The following GNGT1 variants were observed in gnomAD, a reference collection of about 807,000 sequenced individuals.
GNGT1 encodes guanine nucleotide-binding protein G(T) subunit gamma-T1.
Under a neutral mutation model 7.4 loss-of-function variants are expected in GNGT1, and 4 were observed. The observed-to-expected ratio is 0.54, with a 90% CI of 0.27 to 1.24. The LOEUF (loss-of-function observed/expected upper bound fraction) is 1.24. Ranked by LOEUF, GNGT1 falls within the 50% of genes most tolerant of loss-of-function variation. GNGT1 has a pLI of 0.12. For synonymous variants in GNGT1, 37 were observed against 30.2 expected, an observed-to-expected ratio of 1.23 and a Z score of -0.74; for missense variants, 95 against 82.4, an observed-to-expected ratio of 1.15 and a Z score of -0.59.
In GNGT1 at chr7:93,910,844, G is replaced by T. The variant is rs1457679869; in HGVS notation, c.151G>T (p.Asp51Tyr). ...TTACGTTGAAGAACGATCTGGCGAG[G>T]ATCCACTGGTAAAGGGCATCCCAGA... ...RDYVEERSGE[D>Y]PLVKGIPEDK... The change falls in exon 3 of 3, where the codon GAT (aspartate) becomes TAT (tyrosine). Residue 51 changes from aspartate to tyrosine, a missense_variant. Coordinates refer to ENST00000248572, the MANE Select transcript of GNGT1 (RefSeq NM_021955.5). 3 of 1,607,566 alleles carry T rather than the reference G, an allele frequency of 1.9e-6. No individual in the cohort carries two copies. The highest frequency in any genetic ancestry group is 1.1e-5 in the South Asian group (1 of 90,494).
At chr7:93,907,004 TC>T (rs569638230) in intron 2 of GNGT1, among the ~76,000 whole-genome samples, 162 bp downstream of exon 2, 6,455 of 152,050 alleles carry the variant, frequency 0.042, no homozygotes, top group Middle Eastern at 0.082. Flanking sequence ...CATAACTATC[TC>T]TTGATTTAGA....
chr7:93,908,157 C>T (rs971041183), intron 2 of GNGT1, among the ~76,000 whole-genome samples: 2 of 152,056 alleles, frequency 1.3e-5, no homozygotes, highest in African/African-American at 4.8e-5. Flanking sequence ...CTTTGGGGTT[C>T]CTTTTCCCCA....
rs773313324 is a variant in GNGT1, at chr7:93,909,765, C to T, written c.97-1025C>T. ...TTGTTTTACTATGTAATTAATGAGT[C>T]TGCCTAGTTATAAAATAATCTTAAG... On this transcript the variant is annotated intron_variant, in intron 2 of 2. Transcript: ENST00000248572. 1.8e-3 allele frequency: 665 copies of T among 374,590 alleles called. 3 individuals are homozygous for T. Among genetic ancestry groups the T allele is most frequent in the Non-Finnish European group, 2.7e-3 (572 of 210,118 alleles). 23.2% of individuals were successfully genotyped at this position (374,590 alleles called of 1,614,324 possible).
At chr7:93,908,302 G>A (rs1794408183) in intron 2 of GNGT1, among the ~76,000 whole-genome samples, 1 of 151,894 alleles carries the variant, frequency 6.6e-6, no homozygotes, top group Admixed American at 6.6e-5. Context: ...AGTCTCCTCA[G>A]GGTGCTGTAC....
chr7:93,909,586 A>T (rs575019004), intron 2 of GNGT1: 1 of 670,098 alleles, frequency 1.5e-6, no homozygotes, highest in Non-Finnish European at 2.7e-6. Context: ...AAAAGTAGTG[A>T]CTTTTAGAGA....
rs1020201546 is a variant in GNGT1, at chr7:93,909,751, T to C, written c.97-1039T>C. The C allele has an allele frequency of 5.0e-5, 21 of 423,450 alleles. 1 individual carries two copies. The highest frequency in any genetic ancestry group is 4.7e-4 in the Admixed American group (12 of 25,728). 26.2% of individuals were successfully genotyped at this position (423,450 alleles called of 1,614,324 possible). ...CAGTTGAAAATAATTTGTTTTACTATGTAATTAATGAGTCTGCCTAGTTAT... is the reference window on the plus strand; with the variant it reads ...CAGTTGAAAATAATTTGTTTTACTACGTAATTAATGAGTCTGCCTAGTTAT... On this transcript the variant is annotated intron_variant, in intron 2 of 2. Coordinates refer to ENST00000248572, the MANE Select transcript of GNGT1 (RefSeq NM_021955.5).
chr7:93,906,737 A>G lies in GNGT1; in HGVS notation c.-10A>G. On this transcript the variant is annotated splice_region_variant and 5_prime_UTR_variant, in exon 2 of 3. Transcript: ENST00000248572. ...GCTGCTAACCTTCTACATCTTCAGC[A>G]GGCAAAAAGATGCCAGTAATCAATA... The G allele has an allele frequency of 6.5e-7, 1 of 1,545,198 alleles. No individual in the cohort carries two copies. Among genetic ancestry groups the G allele is most frequent in the Non-Finnish European group, 8.9e-7 (1 of 1,123,830 alleles).
chr7:93,910,717 A>G, intron 2 of GNGT1, 73 bp from the exon 3 acceptor site: 1 of 1,043,032 alleles, frequency 9.6e-7, no homozygotes, highest in Non-Finnish European at 1.4e-6. Flanking sequence ...ATTTATTGTA[A>G]TAAATAAATT....
intron 2 of GNGT1, chr7:93,909,909 AAAAT>A: frequency 6.1e-6 from 1 of 163,464 alleles, no homozygotes; most frequent in Non-Finnish European, 1.3e-5. Flanking sequence ...TAGACTGACA[AAAAT>A]AAAGTAGCTT....
At position 93,906,751 on chromosome 7, in the gene GNGT1, C is replaced by CA. The variant is rs1394903434; in HGVS notation, c.6dup (p.Val3SerfsTer5). 6 of 1,590,220 alleles carry CA rather than the reference C, an allele frequency of 3.8e-6. No homozygotes were observed. The highest frequency in any genetic ancestry group is 1.4e-5 in the African/African-American group (1 of 73,812). On this transcript the variant is annotated frameshift_variant, in exon 2 of 3. Transcript: ENST00000248572. LOFTEE classifies it high-confidence loss of function. ...ACATCTTCAGCAGGCAAAAAGATGC[C>CA]AGTAATCAATATTGAGGACCTGACA...
chr7:93,909,745 T>G, intron 2 of GNGT1: 1 of 429,778 alleles, frequency 2.3e-6, no homozygotes, highest in Admixed American at 3.8e-5. Flanking sequence ...ATAATTTGTT[T>G]TACTATGTAA....
intron 2 of GNGT1, among the ~76,000 whole-genome samples, chr7:93,908,656 T>C (rs1794413420): frequency 6.6e-6 from 1 of 150,994 alleles, no homozygotes; most frequent in African/African-American, 2.4e-5. Flanking sequence ...TATTTCTCTA[T>C]AAAATATATA....
intron 2 of GNGT1, among the ~76,000 whole-genome samples, chr7:93,907,601 T>C (rs1794397024): frequency 1.3e-5 from 2 of 152,220 alleles, no homozygotes; most frequent in African/African-American, 4.8e-5. Flanking sequence ...TGATGAAAGC[T>C]TGGAGAATGT....
chr7:93,910,734 A>T (rs1794450458), intron 2 of GNGT1, 56 bp from the exon 3 acceptor site: 2 of 1,282,142 alleles, frequency 1.6e-6, no homozygotes, highest in Admixed American at 4.3e-5. Flanking sequence ...AATTCCTGGC[A>T]TCTGGAGTAT....
chr7:93,907,815 T>A (rs1794399955), intron 2 of GNGT1, among the ~76,000 whole-genome samples: 1 of 152,176 alleles, frequency 6.6e-6, no homozygotes, highest in Non-Finnish European at 1.5e-5. Flanking sequence ...TCTATGTTTA[T>A]AATAATCTCA....
chr7:93,909,109 G>T (rs532596236), intron 2 of GNGT1, among the ~76,000 whole-genome samples: 1 of 151,850 alleles, frequency 6.6e-6, no homozygotes, highest in Non-Finnish European at 1.5e-5. Flanking sequence ...TTTTGAGTAC[G>T]ACAAGTCTTT....
intron 2 of GNGT1, 112 bp from the exon 3 acceptor site, chr7:93,910,678 G>A (rs1357722467): frequency 1.4e-6 from 1 of 708,354 alleles, no homozygotes; most frequent in Non-Finnish European, 2.3e-6. Flanking sequence ...AAAGTAGAGA[G>A]AATCAAACTG....
Position 93,906,800 on chromosome 7 carries a change from A to G in GNGT1, c.54A>G (p.Glu18=), listed in dbSNP as rs900753143. The change falls in exon 2 of 3, where the codon GAA becomes GAG. Residue 18 remains glutamate (E), a synonymous_variant. Coordinates refer to ENST00000248572, the MANE Select transcript of GNGT1 (RefSeq NM_021955.5). Reference sequence around the variant, plus strand: ...CAGAAAAGGACAAATTGAAGATGGAAGTTGACCAGCTCAAGAAAGAAGTGA... The same window carrying G: ...CAGAAAAGGACAAATTGAAGATGGAGGTTGACCAGCTCAAGAAAGAAGTGA... ...DLTEKDKLKM[E]VDQLKKEVTL... 4 of 1,605,986 alleles carry G rather than the reference A, an allele frequency of 2.5e-6. No individual in the cohort carries two copies. Among genetic ancestry groups the G allele is most frequent in the Non-Finnish European group, 3.4e-6 (4 of 1,176,092 alleles).
At chr7:93,907,009 ATT>A (rs199517341) in intron 2 of GNGT1, among the ~76,000 whole-genome samples, 167 bp downstream of exon 2, 6,450 of 152,082 alleles carry the variant, frequency 0.042, no homozygotes, top group Middle Eastern at 0.082. Context: ...CTATCTCTTG[ATT>A]TAGATTCTAA....
Sources: allele counts gnomAD v4.1 joint callset (sites outside exome capture counted in the v4.1 genomes callset), GRCh38; gene constraint gnomAD v4.1.1; transcripts MANE v1.5; gene names NCBI Gene and HGNC (gene_info 2026-07-23, HGNC 2026-07-21).